Variants in OPCML observed in about 807,000 individuals in gnomAD.
OPCML encodes opioid-binding protein/cell adhesion molecule.
In OPCML, 13 loss-of-function variants were observed where a neutral mutation model predicts 37.8. The observed-to-expected ratio is 0.34, with a 90% CI of 0.22 to 0.55. The LOEUF is 0.55. Among genes scored for constraint, OPCML ranks in the 20% least tolerant of loss-of-function variants. The probability of loss-of-function intolerance (pLI) is 0.91; values close to 1 mark genes in which losing one functional copy is unlikely to be tolerated. For missense variants in OPCML, 341 were observed against 435.6 expected (o/e 0.78, Z 1.93); for synonymous variants, 176 against 168.8 (o/e 1.04, Z -0.33).
At chr11:133,378,706 T>A (rs1944867291) in intron 1 of OPCML, among the ~76,000 whole-genome samples, 1 of 151,394 alleles carries the variant, frequency 6.6e-6, no homozygotes, top group African/African-American at 2.4e-5. Context: ...TTTTCCTTCC[T>A]TCCTTCTTTC....
rs531957671 is a variant in OPCML, at chr11:133,084,945, T to C, written c.62-141935A>G. Reference sequence around the variant, plus strand: ...ATTGTTCATCTGTTCAAAGTCCGACTCTGCTTTCATTACCTACCAAATAAA... The same window carrying C: ...ATTGTTCATCTGTTCAAAGTCCGACCCTGCTTTCATTACCTACCAAATAAA... On this transcript the variant is annotated intron_variant, in intron 1 of 7. Transcript: ENST00000524381. 2.0e-4 allele frequency among the ~76,000 whole-genome samples: 31 copies of C among 152,346 alleles called. No homozygotes were observed. In the South Asian group the frequency reaches 6.2e-3, roughly 31 times the overall value.
chr11:132,792,867 C>G (rs947839520), intron 2 of OPCML, among the ~76,000 whole-genome samples: 1 of 152,204 alleles, frequency 6.6e-6, no homozygotes, highest in African/African-American at 2.4e-5. Context: ...CCGGGCAGCA[C>G]AGCAGCGCCC....
chr11:132,483,649 T>C (rs1263945530), intron 4 of OPCML, among the ~76,000 whole-genome samples: 3 of 152,174 alleles, frequency 2.0e-5, no homozygotes, highest in Admixed American at 6.5e-5. Context: ...AGGCATCACA[T>C]TACCTGACTT....
intron 1 of OPCML, among the ~76,000 whole-genome samples, chr11:132,951,980 G>A (rs1280889432): frequency 6.6e-6 from 1 of 152,186 alleles, no homozygotes; most frequent in East Asian, 1.9e-4. Context: ...AATAAAATTT[G>A]TATTCAGTTA....
intron 1 of OPCML, among the ~76,000 whole-genome samples, chr11:133,161,719 T>C (rs1167756139): frequency 5.9e-5 from 9 of 152,254 alleles, no homozygotes; most frequent in Admixed American, 2.6e-4. Context: ...TGTATATGTA[T>C]ATATAATCTT....
At chr11:133,226,908 C>A (rs1035531000) in intron 1 of OPCML, among the ~76,000 whole-genome samples, 3 of 152,234 alleles carry the variant, frequency 2.0e-5, no homozygotes, top group African/African-American at 7.2e-5. Context: ...CTCATAGACA[C>A]ATATAGCTCA....
At chr11:133,126,090 CACACAT>C (rs1233682300) in intron 1 of OPCML, among the ~76,000 whole-genome samples, 5 of 150,914 alleles carry the variant, frequency 3.3e-5, no homozygotes, top group East Asian at 3.9e-4. Flanking sequence ...CACACACACA[CACACAT>C]ATATGAGAGA....
chr11:133,226,360 G>A (rs1940036779), intron 1 of OPCML, among the ~76,000 whole-genome samples: 1 of 152,172 alleles, frequency 6.6e-6, no homozygotes, highest in Admixed American at 6.5e-5. Context: ...GGGGTTAGGG[G>A]TGTTCCACTC....
At chr11:133,513,306 T>C (rs1207247433) in intron 1 of OPCML, among the ~76,000 whole-genome samples, 1 of 152,210 alleles carries the variant, frequency 6.6e-6, no homozygotes, top group Non-Finnish European at 1.5e-5. Flanking sequence ...ACAAACCAAA[T>C]CTTCAGCACG....
intron 1 of OPCML, among the ~76,000 whole-genome samples, chr11:133,377,876 G>A (rs1648754597): frequency 6.6e-6 from 1 of 152,202 alleles, no homozygotes; most frequent in African/African-American, 2.4e-5. Flanking sequence ...GCATGGGCCT[G>A]TGCTGTGTCA....
chr11:132,623,423 A>C (rs896319162), intron 3 of OPCML, among the ~76,000 whole-genome samples: 1 of 152,082 alleles, frequency 6.6e-6, no homozygotes, highest in Non-Finnish European at 1.5e-5. Context: ...TTGGGGGAAA[A>C]AAAAGAGAAA....
intron 1 of OPCML, among the ~76,000 whole-genome samples, chr11:133,166,300 C>A (rs748060481): frequency 7.9e-5 from 12 of 152,214 alleles, no homozygotes; most frequent in Admixed American, 4.6e-4. Context: ...ATGTCCCTTA[C>A]ATGCACTAGT....
chr11:132,913,172 T>C (rs574999493), intron 2 of OPCML, among the ~76,000 whole-genome samples: 2 of 152,354 alleles, frequency 1.3e-5, no homozygotes, highest in South Asian at 4.1e-4. Context: ...TTGAAATTGA[T>C]ACATGGCAAC....
At chr11:132,446,706 A>G (rs2096056268) in intron 4 of OPCML, among the ~76,000 whole-genome samples, 1 of 152,198 alleles carries the variant, frequency 6.6e-6, no homozygotes, top group Non-Finnish European at 1.5e-5. Flanking sequence ...TTTAGTATCA[A>G]CAAGCTAAAG....
intron 1 of OPCML, among the ~76,000 whole-genome samples, chr11:132,983,702 G>C (rs936725219): frequency 3.3e-5 from 5 of 152,152 alleles, no homozygotes; most frequent in African/African-American, 1.2e-4. Flanking sequence ...TATCATCCAG[G>C]AAAGTTATTT....
At chr11:133,341,531 A>G (rs1160749364) in intron 1 of OPCML, among the ~76,000 whole-genome samples, 1 of 152,198 alleles carries the variant, frequency 6.6e-6, no homozygotes, top group African/African-American at 2.4e-5. Context: ...AATACCCTAC[A>G]GGAAGATTTG....
At chr11:132,767,399 A>G (rs1012374015) in intron 2 of OPCML, among the ~76,000 whole-genome samples, 12 of 152,196 alleles carry the variant, frequency 7.9e-5, no homozygotes, top group African/African-American at 2.4e-4. Context: ...GAGGTCAATA[A>G]CTAATATTAG....
chr11:133,326,663 G>A (rs1943467769), intron 1 of OPCML, among the ~76,000 whole-genome samples: 2 of 134,818 alleles, frequency 1.5e-5, no homozygotes, highest in Non-Finnish European at 3.2e-5. Flanking sequence ...GGGTGTATGT[G>A]TGTGGGTGGG....
chr11:132,529,262 T>G (rs2096317217), intron 3 of OPCML, 76 bp from the exon 4 acceptor site: 1 of 1,497,784 alleles, frequency 6.7e-7, no homozygotes, highest in African/African-American at 1.4e-5. Flanking sequence ...CCTACAAATT[T>G]TTGTATAGCA....
Sources: gnomAD v4.1 joint callset for allele counts (sites outside exome capture counted in the v4.1 genomes callset) on GRCh38, gnomAD v4.1.1 for gene constraint, MANE v1.5 for transcripts, NCBI Gene and HGNC (gene_info 2026-07-23, HGNC 2026-07-21) for gene names.